Variants in TLCD4 observed in about 807,000 individuals in gnomAD.
The protein encoded by TLCD4 is TLC domain containing 4, also known as TLC domain-containing protein 4.
In TLCD4, 7 loss-of-function variants were observed where a neutral mutation model predicts 24.2. The ratio of observed to expected loss-of-function variants is 0.29; its 90% CI spans 0.16 to 0.54. The LOEUF is 0.54. Ranked by LOEUF, TLCD4 falls within the 20% of genes least tolerant of loss-of-function variation. TLCD4 has a pLI of 0.95. For synonymous variants in TLCD4, 103 were observed against 106.4 expected, an observed-to-expected ratio of 0.97 and a Z score of 0.20; for missense variants, 259 against 313.9, an observed-to-expected ratio of 0.82 and a Z score of 1.32.
intron 1 of TLCD4, among the ~76,000 whole-genome samples, chr1:95,124,856 A>C (rs561689977): frequency 2.6e-5 from 4 of 152,250 alleles, no homozygotes; most frequent in Non-Finnish European, 5.9e-5. Flanking sequence ...TTTCTAAAAA[A>C]AAAACAAAAC....
intron 6 of TLCD4, among the ~76,000 whole-genome samples, chr1:95,185,258 A>G (rs1358162059): frequency 2.6e-5 from 4 of 152,110 alleles, no homozygotes; most frequent in African/African-American, 9.7e-5. Context: ...AAGAAGAATC[A>G]ATTTATAGAA....
At chr1:95,166,340 G>A (rs994886102) in intron 5 of TLCD4, among the ~76,000 whole-genome samples, 1 of 152,194 alleles carries the variant, frequency 6.6e-6, no homozygotes, top group South Asian at 2.1e-4. Flanking sequence ...TAGGTTGGAT[G>A]AAATATATTA....
intron 5 of TLCD4, among the ~76,000 whole-genome samples, chr1:95,166,278 A>G (rs1018953532): frequency 6.6e-5 from 10 of 152,186 alleles, no homozygotes; most frequent in African/African-American, 2.4e-4. Context: ...CATTTCAACC[A>G]TGCCACACTG....
chr1:95,191,957 AATTATAAT>A lies in TLCD4; in HGVS notation c.*90_*97del. On this transcript the variant is annotated 3_prime_UTR_variant, in exon 7 of 7. Coordinates refer to ENST00000370203, the MANE Select transcript of TLCD4 (RefSeq NM_152487.3). ...TGGCATGTTCTTGTGTACCTTTCTT[AATTATAAT>A]TGTTATTCAGGATTTCAGTGTCATT... 1 of 1,487,684 alleles carries A rather than the reference AATTATAAT, an allele frequency of 6.7e-7. No individual in the cohort carries two copies. Among genetic ancestry groups the A allele is most frequent in the Non-Finnish European group, 8.9e-7 (1 of 1,126,464 alleles). The allele number at this position is 1,487,684 out of a possible 1,614,324, so 92.2% of individuals were successfully genotyped here.
chr1:95,157,896 T>C (rs1003692028), intron 5 of TLCD4, among the ~76,000 whole-genome samples: 5 of 152,128 alleles, frequency 3.3e-5, no homozygotes, highest in Non-Finnish European at 7.3e-5. Context: ...ATTTAAGAGG[T>C]AGGAAATAAG....
chr1:95,138,912 G>C (rs542017301), intron 1 of TLCD4, among the ~76,000 whole-genome samples: 82 of 151,656 alleles, frequency 5.4e-4, no homozygotes, highest in Middle Eastern at 3.4e-3. Context: ...ATTGGACTAG[G>C]CATGGTGGCT....
chr1:95,152,638 T>G (rs1677522542), intron 5 of TLCD4, among the ~76,000 whole-genome samples: 1 of 152,146 alleles, frequency 6.6e-6, no homozygotes, highest in African/African-American at 2.4e-5. Flanking sequence ...ATTGCTATTT[T>G]TGTATCTTTC....
At chr1:95,126,153 G>A (rs1209251141) in intron 1 of TLCD4, among the ~76,000 whole-genome samples, 5 of 150,736 alleles carry the variant, frequency 3.3e-5, no homozygotes, top group East Asian at 2.0e-4. Flanking sequence ...GAGGCCAAGC[G>A]CAGTGGCTCA....
At chr1:95,112,970 C>T (rs1676367189), upstream of TLCD4, among the ~76,000 whole-genome samples, 1 of 152,066 alleles carries the variant, frequency 6.6e-6, no homozygotes, top group African/African-American at 2.4e-5. Flanking sequence ...CCTGCCTTGG[C>T]CTCCCAAAGT....
At position 95,150,361 on chromosome 1, in the gene TLCD4, G is replaced by A. The variant is rs749466170; in HGVS notation, c.304+95G>A. On this transcript the variant is annotated intron_variant, in intron 4 of 6. Coordinates refer to ENST00000370203, the MANE Select transcript of TLCD4 (RefSeq NM_152487.3). ...GTCTATGCTTTTGGTTTATTTGAGA[G>A]ATAGCATTTAGGAAGCATACAGAGG... The A allele has an allele frequency of 1.1e-4, 167 of 1,486,058 alleles. 3 individuals are homozygous for A. In the South Asian group the frequency reaches 2.2e-3, roughly 19 times the overall value. 92.1% of individuals were successfully genotyped at this position (1,486,058 alleles called of 1,614,324 possible).
chr1:95,163,112 C>T (rs1677882662), intron 5 of TLCD4: 1 of 152,186 alleles, frequency 6.6e-6, no homozygotes, highest in African/African-American at 2.4e-5. Flanking sequence ...AACTTGGTTC[C>T]ATTCTCCCCA....
rs1402393420 is a variant in TLCD4 at position 95,191,835 on chromosome 1, C to A, written c.759C>A (p.Ala253=). Residue 253 remains alanine (A), a synonymous_variant, in exon 7 of 7, where the codon GCC becomes GCA. Transcript: ENST00000370203. ...TCTCTCACATCAGACAAGAGAAAGC[C>A]AAAAATAGTCTTCAGAATGGAAAAC... The part of the protein sequence containing the change: ...KVISHIRQEK[A]KNSLQNGKLD The A allele has an allele frequency of 6.2e-7, 1 of 1,613,006 alleles. No individual in the cohort carries two copies. Among genetic ancestry groups the A allele is most frequent in the South Asian group, 1.1e-5 (1 of 90,878 alleles).
chr1:95,159,149 C>T (rs982059284), intron 5 of TLCD4, among the ~76,000 whole-genome samples: 32 of 152,162 alleles, frequency 2.1e-4, no homozygotes, highest in Admixed American at 9.2e-4. Flanking sequence ...ACCTATTTCT[C>T]CACATCCTCT....
intron 1 of TLCD4, among the ~76,000 whole-genome samples, chr1:95,131,305 G>A (rs914130242): frequency 5.9e-5 from 9 of 152,148 alleles, no homozygotes; most frequent in East Asian, 1.9e-4. Flanking sequence ...ATGTGAACTT[G>A]GGAGTAGAGG....
At chr1:95,148,553 G>A in intron 2 of TLCD4, 149 bp from the exon 3 acceptor site, 1 of 1,031,792 alleles carries the variant, frequency 9.7e-7, no homozygotes, top group Non-Finnish European at 1.3e-6. Context: ...GGCAAGAAAT[G>A]GCAATTTTGC....
At chr1:95,099,585 A>G in the TLCD4 span, among the ~76,000 whole-genome samples, 3 of 152,254 alleles carry the variant, frequency 2.0e-5, no homozygotes, top group African/African-American at 4.8e-5. Flanking sequence ...CAAACCTAGC[A>G]TAAGTAGGTA....
At chr1:95,112,286 C>G in the TLCD4 span, among the ~76,000 whole-genome samples, 1 of 151,896 alleles carries the variant, frequency 6.6e-6, no homozygotes, top group Admixed American at 6.6e-5. Context: ...CAGAGATGAT[C>G]AATAGGATAA....
Position 95,189,828 on chromosome 1 carries a change from T to A in TLCD4, c.474-1722T>A, listed in dbSNP as rs1372465703. Among the ~76,000 whole-genome samples, 4 of 152,360 alleles carry A rather than the reference T, an allele frequency of 2.6e-5. No individual in the cohort carries two copies. The East Asian group carries it at 7.7e-4, about 29-fold the overall frequency. On this transcript the variant is annotated intron_variant, in intron 6 of 6. Transcript: ENST00000370203. ...TATGAATAAAGCTGGTGTAAACACG[T>A]ATGCAGCTTTTGTGTGGACATACAT... is the stretch of plus-strand genomic sequence containing the variant.
intron 5 of TLCD4, among the ~76,000 whole-genome samples, chr1:95,158,318 G>A (rs1677688486): frequency 6.6e-6 from 1 of 150,930 alleles, no homozygotes; most frequent in Admixed American, 6.6e-5. Context: ...CTCCTGAGTA[G>A]CTGAGACATT....
Sources: allele counts gnomAD v4.1 joint callset (sites outside exome capture counted in the v4.1 genomes callset), GRCh38; gene constraint gnomAD v4.1.1; transcripts MANE v1.5; gene names NCBI Gene and HGNC (gene_info 2026-07-23, HGNC 2026-07-21).